Variants in RNF212B observed in about 807,000 individuals in gnomAD.
RNF212B encodes the protein E3 ubiquitin-protein ligase RNF212B.
RNF212B carries 52 observed loss-of-function variants against 55.5 expected under a neutral mutation model. The observed-to-expected ratio is 0.94, with a 90% CI of 0.75 to 1.18. RNF212B has a LOEUF of 1.18. RNF212B is among the 50% of genes most tolerant of loss of function. The pLI is 0.00. For synonymous variants in RNF212B, 99 were observed against 121.4 expected, an observed-to-expected ratio of 0.82 and a Z score of 1.21; for missense variants, 289 against 350.4, an observed-to-expected ratio of 0.82 and a Z score of 1.40.
intron 11 of RNF212B, among the ~76,000 whole-genome samples, chr14:23,266,029 T>C (rs770067022): frequency 1.3e-5 from 2 of 152,132 alleles, no homozygotes; most frequent in African/African-American, 2.4e-5. Flanking sequence ...CAGACTGGAG[T>C]GCAGTGGTGC....
chr14:23,238,557 G>A (rs1399267256), intron 1 of RNF212B, among the ~76,000 whole-genome samples: 2 of 151,404 alleles, frequency 1.3e-5, no homozygotes, highest in African/African-American at 2.4e-5. Flanking sequence ...GAGAGGCCTT[G>A]TCTCTACAAA....
chr14:23,244,822 C>A (rs1043936437), intron 4 of RNF212B, among the ~76,000 whole-genome samples: 1 of 152,152 alleles, frequency 6.6e-6, no homozygotes, highest in African/African-American at 2.4e-5. Flanking sequence ...TCTTGTTTCC[C>A]ATTCTCACTT....
At chr14:23,269,072 A>T (rs750942832) in intron 12 of RNF212B, 109 bp downstream of exon 12, 129 of 837,754 alleles carry the variant, frequency 1.5e-4, no homozygotes, top group Non-Finnish European at 2.3e-4. Context: ...TGGGAGGCCG[A>T]GGAGGGTGGA....
intron 2 of RNF212B, among the ~76,000 whole-genome samples, chr14:23,225,035 T>C (rs958303075): frequency 1.3e-4 from 20 of 151,806 alleles, no homozygotes; most frequent in African/African-American, 4.4e-4. Flanking sequence ...TAAATGCAAA[T>C]TGAAACTACA....
At chr14:23,245,068 C>G (rs558769699) in intron 4 of RNF212B, among the ~76,000 whole-genome samples, 6 of 152,204 alleles carry the variant, frequency 3.9e-5, no homozygotes, top group Non-Finnish European at 7.4e-5. Context: ...TTAGATTATT[C>G]TATAGCCTCA....
At chr14:23,268,070 G>A (rs563736647) in intron 11 of RNF212B, among the ~76,000 whole-genome samples, 1 of 152,310 alleles carries the variant, frequency 6.6e-6, no homozygotes, top group East Asian at 1.9e-4. Flanking sequence ...CCAAACAAGT[G>A]CTTCTAATTG....
intron 9 of RNF212B, among the ~76,000 whole-genome samples, chr14:23,263,961 G>A (rs544535250): frequency 3.3e-5 from 5 of 151,968 alleles, no homozygotes; most frequent in African/African-American, 4.8e-5. Context: ...GGTGGTGCAC[G>A]CCTGTAGTCC....
At chr14:23,244,083 A>G (rs1883818367) in intron 3 of RNF212B, among the ~76,000 whole-genome samples, 3 of 145,792 alleles carry the variant, frequency 2.1e-5, no homozygotes. Context: ...TGTCTCAAAG[A>G]AAAAAAAAAA....
intron 14 of RNF212B, 148 bp downstream of exon 14, chr14:23,270,809 T>C: frequency 1.6e-6 from 1 of 625,242 alleles, no homozygotes; most frequent in Non-Finnish European, 2.9e-6. Flanking sequence ...TCTTCCAGAA[T>C]GGTCTCAATT....
At chr14:23,204,053 C>T (rs961912994) in intron 2 of RNF212B, among the ~76,000 whole-genome samples, 1 of 152,072 alleles carries the variant, frequency 6.6e-6, no homozygotes, top group African/African-American at 2.4e-5. Context: ...GTCCTTAGCC[C>T]ACTTTTTGAT....
Position 23,264,630 on chromosome 14 carries a change from G to A in RNF212B, c.593G>A (p.Arg198Lys). 1 of 1,340,998 alleles carries A rather than the reference G, an allele frequency of 7.5e-7. No homozygotes were observed. Among genetic ancestry groups the A allele is most frequent in the Admixed American group, 3.5e-5 (1 of 28,856 alleles). The allele number at this position is 1,340,998 out of a possible 1,614,324, so 83.1% of individuals were successfully genotyped here. A position where few individuals can be genotyped will look rare whatever the true frequency, so the allele number is the denominator to read the frequency against. ...TTATTATTTGTCTATCAGGGAGGCA[G>A]AGGTCTGCAGGGAAGGAGAACTCCC... ...AGFGSLGQGG[R>K]GLQGRRTPRD... is the part of the protein sequence containing the mutation. Residue 198 changes from arginine (R) to lysine (K), a missense_variant, in exon 11 of 15, where the codon AGA becomes AAA. Coordinates refer to ENST00000430154, the MANE Select transcript of RNF212B (RefSeq NM_001282322.3).
chr14:23,218,631 G>C (rs1238343524), intron 2 of RNF212B, among the ~76,000 whole-genome samples: 1 of 151,824 alleles, frequency 6.6e-6, no homozygotes, highest in Non-Finnish European at 1.5e-5. Flanking sequence ...CAGAGTCAGA[G>C]GAGACGAAAG....
chr14:23,219,163 C>A (rs1881341517), intron 2 of RNF212B, among the ~76,000 whole-genome samples: 1 of 152,130 alleles, frequency 6.6e-6, no homozygotes. Context: ...TTCATTAACA[C>A]CAGAACTGTC....
At chr14:23,248,158 G>A (rs1044601182) in intron 4 of RNF212B, among the ~76,000 whole-genome samples, 3 of 152,002 alleles carry the variant, frequency 2.0e-5, no homozygotes, top group Non-Finnish European at 4.4e-5. Flanking sequence ...CACAAAGGCT[G>A]GAGTGCAGTG....
chr14:23,271,790 C>A (rs958999464), intron 14 of RNF212B, among the ~76,000 whole-genome samples: 1 of 152,018 alleles, frequency 6.6e-6, no homozygotes, highest in Non-Finnish European at 1.5e-5. Flanking sequence ...CTAATTGGAT[C>A]TTGACTGAAA....
At chr14:23,207,927 G>A (rs1428257807) in intron 2 of RNF212B, among the ~76,000 whole-genome samples, 2 of 152,178 alleles carry the variant, frequency 1.3e-5, no homozygotes, top group African/African-American at 2.4e-5. Flanking sequence ...GACTCTAAGC[G>A]GAGAGGGGGC....
chr14:23,272,508 C>T (rs1008287886), intron 14 of RNF212B: 1 of 358,348 alleles, frequency 2.8e-6, no homozygotes, highest in Non-Finnish European at 5.2e-6. Flanking sequence ...CCTCAGAGGC[C>T]TAAGAACTCT....
chr14:23,254,992 A>C (rs1371813343), intron 4 of RNF212B, among the ~76,000 whole-genome samples: 1 of 152,240 alleles, frequency 6.6e-6, no homozygotes, highest in Non-Finnish European at 1.5e-5. Context: ...CCAACAGACC[A>C]AACCAAAATG....
At chr14:23,210,745 C>T (rs1880413609) in intron 2 of RNF212B, among the ~76,000 whole-genome samples, 1 of 117,510 alleles carries the variant, frequency 8.5e-6, no homozygotes, top group Non-Finnish European at 1.6e-5. Flanking sequence ...CCATTGCCCT[C>T]CAGTCCAGGT....
Sources: gnomAD v4.1 joint callset for allele counts (sites outside exome capture counted in the v4.1 genomes callset) on GRCh38, gnomAD v4.1.1 for gene constraint, MANE v1.5 for transcripts, NCBI Gene and HGNC (gene_info 2026-07-23, HGNC 2026-07-21) for gene names.